The following DDX60 variants were observed in gnomAD, a reference collection of about 807,000 sequenced individuals.
DDX60 encodes probable ATP-dependent RNA helicase DDX60.
DDX60 carries 165 observed loss-of-function variants against 212.8 expected under a neutral mutation model. That is an observed-to-expected ratio of 0.78 (90% CI 0.68 to 0.88). DDX60 has a LOEUF of 0.88. DDX60 is among the 40% of genes least tolerant of loss of function. The pLI is 0.00. For missense variants in DDX60, 1,905 were observed against 2,003.9 expected (o/e 0.95, Z 0.94); for synonymous variants, 703 against 685.3 (o/e 1.03, Z -0.40).
chr4:168,312,660 C>A (rs1329695063), intron 1 of DDX60, among the ~76,000 whole-genome samples: 1 of 151,318 alleles, frequency 6.6e-6, no homozygotes, highest in Non-Finnish European at 1.5e-5. Flanking sequence ...TAGGTAGATA[C>A]ACACATGATT....
At chr4:168,310,197 GGTCTACTCGCCCCCAAACAAAAT>G (rs1737068821) in intron 3 of DDX60, among the ~76,000 whole-genome samples, 1 of 152,078 alleles carries the variant, frequency 6.6e-6, no homozygotes, top group South Asian at 2.1e-4. Context: ...ATGCTGAAGT[GGTCTACTCGCCCCCAAACAAAAT>G]GTCTTTAATT....
intron 5 of DDX60, among the ~76,000 whole-genome samples, chr4:168,303,887 C>T (rs188902764): frequency 4.7e-4 from 72 of 152,160 alleles, no homozygotes; most frequent in African/African-American, 1.5e-3. Context: ...GAGGCTGAGG[C>T]AGGAGAATCG....
chr4:168,259,012 C>T (rs186684921), intron 25 of DDX60, among the ~76,000 whole-genome samples: 30 of 152,290 alleles, frequency 2.0e-4, no homozygotes, highest in Admixed American at 2.0e-3. Flanking sequence ...TACTTTGTCA[C>T]ATTTTTCACA....
rs1456804868 is a variant in DDX60, at chr4:168,284,944, C to A, written c.1446-9G>T. The A allele has an allele frequency of 3.7e-6, 5 of 1,343,514 alleles. No homozygotes were observed. The highest frequency in any genetic ancestry group is 2.1e-5 in the Admixed American group (1 of 48,706). 83.2% of individuals were successfully genotyped at this position (1,343,514 alleles called of 1,614,324 possible). A position where few individuals can be genotyped will look rare whatever the true frequency, so the allele number is the denominator to read the frequency against. On this transcript the variant is annotated splice_polypyrimidine_tract_variant and intron_variant, in intron 11 of 37. Transcript: ENST00000393743. Reference sequence around the variant, plus strand: ...TAACAATAGGATCATCACTGTGAGACAAAAAAAGGCATATTTTAAATTGCA... The same window carrying A: ...TAACAATAGGATCATCACTGTGAGAAAAAAAAAGGCATATTTTAAATTGCA...
intron 16 of DDX60, among the ~76,000 whole-genome samples, chr4:168,274,622 G>A (rs147054104): frequency 2.0e-5 from 3 of 152,240 alleles, no homozygotes; most frequent in African/African-American, 4.8e-5. Context: ...ACACCTCAGC[G>A]TGAATTGGGC....
intron 5 of DDX60, among the ~76,000 whole-genome samples, chr4:168,305,223 C>T (rs778744765): frequency 6.6e-6 from 1 of 152,132 alleles, no homozygotes; most frequent in Non-Finnish European, 1.5e-5. Context: ...TGTACACTAA[C>T]GATGTTTACA....
rs189851458 is a variant in DDX60 at position 168,222,009 on chromosome 4, G to C, written c.4825-128C>G. On this transcript the variant is annotated intron_variant, in intron 35 of 37. Transcript: ENST00000393743. ...AAGCCCACTCTTCACTGTGAAGTAA[G>C]AGGGTGCCTTAGCCACACATTGTGG... 3.0e-6 allele frequency: 3 copies of C among 989,358 alleles called. No homozygotes were observed. In the Admixed American group the frequency reaches 7.4e-5, roughly 24 times the overall value. 61.3% of individuals were successfully genotyped at this position (989,358 alleles called of 1,614,324 possible).
At chr4:168,307,541 T>C (rs577956843) in intron 4 of DDX60, among the ~76,000 whole-genome samples, 2 of 152,178 alleles carry the variant, frequency 1.3e-5, no homozygotes, top group East Asian at 3.9e-4. Context: ...ACTCCTGGGC[T>C]CAAGTAATCC....
intron 35 of DDX60, among the ~76,000 whole-genome samples, chr4:168,223,870 A>C (rs1278193175): frequency 6.6e-6 from 1 of 152,058 alleles, no homozygotes; most frequent in Non-Finnish European, 1.5e-5. Context: ...AGTTCTTTGC[A>C]TTCCATTTTA....
At chr4:168,286,476 T>C (rs1735865131) in intron 10 of DDX60, among the ~76,000 whole-genome samples, 1 of 146,634 alleles carries the variant, frequency 6.8e-6, no homozygotes, top group Non-Finnish European at 1.5e-5. Flanking sequence ...AAGTATATTA[T>C]GATAATAGAC....
intron 23 of DDX60, 55 bp downstream of exon 23, chr4:168,262,628 G>T: frequency 8.3e-7 from 1 of 1,201,868 alleles, no homozygotes; most frequent in Non-Finnish European, 1.2e-6. Context: ...AAGGGTGAGA[G>T]TTTGTCAATA....
At chr4:168,320,348 G>C (rs1169746529), upstream of DDX60, among the ~76,000 whole-genome samples, 1 of 152,188 alleles carries the variant, frequency 6.6e-6, no homozygotes, top group East Asian at 1.9e-4. Context: ...TGTGATGATA[G>C]AAACAGTCAG....
chr4:168,253,454 T>C (rs759651802), intron 26 of DDX60, among the ~76,000 whole-genome samples: 3 of 152,114 alleles, frequency 2.0e-5, no homozygotes, highest in Non-Finnish European at 4.4e-5. Context: ...CACCATTCCC[T>C]GGACAATTGC....
upstream of DDX60, among the ~76,000 whole-genome samples, chr4:168,320,727 G>A (rs540643090): frequency 6.6e-6 from 1 of 152,314 alleles, no homozygotes; most frequent in East Asian, 1.9e-4. Flanking sequence ...AATTCAGACA[G>A]CTACTATGTG....
chr4:168,237,693 C>G lies in DDX60; in HGVS notation c.4267G>C (p.Glu1423Gln). 6.2e-7 allele frequency: 1 copy of G among 1,610,262 alleles called. No homozygotes were observed. The highest frequency in any genetic ancestry group is 2.2e-5 in the East Asian group (1 of 44,644). The change falls in exon 31 of 38, where the codon GAG becomes CAG. Residue 1423 changes from glutamate to glutamine, a missense_variant and splice_region_variant. Coordinates refer to ENST00000393743, the MANE Select transcript of DDX60 (RefSeq NM_017631.6). ...AACAAAAGTGCAGTAATGCATACCT[C>G]TTTCACCAGGAACTGCAAAGAAAAC... ...FLFSLQFLVK[E>Q]GYLDQEGNPM...
chr4:168,301,086 T>C lies in DDX60; in HGVS notation c.723+1214A>G, dbSNP rs1035306429. Among the ~76,000 whole-genome samples the C allele has an allele frequency of 2.0e-5, 3 of 152,136 alleles. 1 individual carries two copies. Among genetic ancestry groups the C allele is most frequent in the African/African-American group, 7.2e-5 (3 of 41,424 alleles). ...AACCTGCATATGTATTCCCTGAATC[T>C]ATAAAAATCAAAATAAATAAAATAA... On this transcript the variant is annotated intron_variant, in intron 6 of 37. Transcript: ENST00000393743.
At chr4:168,298,966 T>G (rs542948631) in intron 6 of DDX60, among the ~76,000 whole-genome samples, 28 of 151,942 alleles carry the variant, frequency 1.8e-4, no homozygotes, top group African/African-American at 6.8e-4. Flanking sequence ...ATTGAAACCA[T>G]CCTGGCCAAC....
chr4:168,227,778 A>G (rs1337370619), intron 33 of DDX60, among the ~76,000 whole-genome samples: 1 of 152,072 alleles, frequency 6.6e-6, no homozygotes, highest in Admixed American at 6.6e-5. Flanking sequence ...TATTTAATGT[A>G]AAATATTTTT....
intron 33 of DDX60, among the ~76,000 whole-genome samples, chr4:168,226,877 G>A (rs1157560696): frequency 6.6e-6 from 1 of 152,028 alleles, no homozygotes; most frequent in East Asian, 1.9e-4. Flanking sequence ...GGTTATCAGA[G>A]GCTGGGAAGG....
Sources: allele counts gnomAD v4.1 joint callset (sites outside exome capture counted in the v4.1 genomes callset), GRCh38; gene constraint gnomAD v4.1.1; transcripts MANE v1.5; gene names NCBI Gene and HGNC (gene_info 2026-07-23, HGNC 2026-07-21).